The following STRIP2 variants were observed in gnomAD, a reference collection of about 807,000 sequenced individuals.
STRIP2 encodes the protein striatin interacting protein 2.
A neutral mutation model predicts 107.1 loss-of-function variants in STRIP2; 84 were observed. That is an observed-to-expected ratio of 0.78 (90% confidence interval 0.66 to 0.94). The LOEUF (loss-of-function observed/expected upper bound fraction) is 0.94. Ranked by LOEUF, STRIP2 falls within the 40% of genes least tolerant of loss-of-function variation. The pLI is 0.00. For missense variants in STRIP2, 888 were observed against 1,034.2 expected, an observed-to-expected ratio of 0.86 and a Z score of 1.94; for synonymous variants, 394 against 400.4, an observed-to-expected ratio of 0.98 and a Z score of 0.19.
intron 8 of STRIP2, among the ~76,000 whole-genome samples, chr7:129,456,147 T>C (rs1327027074): frequency 1.0e-4 from 11 of 109,032 alleles, no homozygotes; most frequent in Non-Finnish European, 1.8e-4. Flanking sequence ...GTTTCTTTTT[T>C]TTCTTTTTTT....
chr7:129,441,339 A>G (rs1797893303), intron 2 of STRIP2, among the ~76,000 whole-genome samples: 1 of 152,062 alleles, frequency 6.6e-6, no homozygotes, highest in African/African-American at 2.4e-5. Context: ...ATGTGCACAT[A>G]TTGTGACCCA....
chr7:129,444,283 T>C (rs1584936592), intron 3 of STRIP2, among the ~76,000 whole-genome samples, 185 bp downstream of exon 3: 2 of 152,144 alleles, frequency 1.3e-5, no homozygotes, highest in East Asian at 3.9e-4. Context: ...TATTAAGTAT[T>C]AACTTACACA....
At chr7:129,473,318 T>C (rs1186591736) in intron 18 of STRIP2, among the ~76,000 whole-genome samples, 1 of 152,214 alleles carries the variant, frequency 6.6e-6, no homozygotes, top group African/African-American at 2.4e-5. Context: ...CAGCAAAATT[T>C]AAATGTTCAC....
intron 4 of STRIP2, 113 bp downstream of exon 4, chr7:129,451,860 C>T (rs1279338521): frequency 2.3e-6 from 3 of 1,293,602 alleles, no homozygotes; most frequent in Admixed American, 2.1e-5. Context: ...TCTTGCCTCT[C>T]AAGGACAGAT....
chr7:129,485,453 T>TATA, intron 20 of STRIP2, 126 bp from the exon 21 acceptor site: 15 of 767,666 alleles, frequency 2.0e-5, no homozygotes, highest in Non-Finnish European at 2.4e-5. Context: ...CATTGCTCTT[T>TATA]ACAAAAAAAA....
rs1369136017 is a variant in STRIP2 at position 129,480,794 on chromosome 7, G to C, written c.1954G>C (p.Asp652His). The C allele has an allele frequency of 1.2e-6, 2 of 1,613,266 alleles. No homozygotes were observed. Among genetic ancestry groups the C allele is most frequent in the East Asian group, 2.2e-5 (1 of 44,876 alleles). The change falls in exon 19 of 21, where the codon GAC (aspartate) becomes CAC (histidine). Residue 652 changes from aspartate (D) to histidine (H), a missense_variant. By Grantham distance (81) the Asp-to-His change is moderately conservative. Coordinates refer to ENST00000249344, the MANE Select transcript of STRIP2 (RefSeq NM_020704.3). ...ATGTTCCCTACTATAGGAAGCTGGA[G>C]ACAACAGCCAGTTCTGCTGGAGGAA... is the stretch of plus-strand genomic sequence containing the variant. ...ELTTESLEAGDNSQFCWRNLF... is the reference protein window; with the variant it reads ...ELTTESLEAGHNSQFCWRNLF...
Position 129,458,419 on chromosome 7 carries a change from C to G in STRIP2, c.1243C>G (p.Pro415Ala). 2 of 1,608,604 alleles carry G rather than the reference C, an allele frequency of 1.2e-6. No homozygotes were observed. Among genetic ancestry groups the G allele is most frequent in the East Asian group, 4.5e-5 (2 of 44,650 alleles). The change falls in exon 10 of 21, where the codon CCC (proline) becomes GCC (alanine). Residue 415 changes from proline (P) to alanine (A), a missense_variant. Coordinates refer to ENST00000249344, the MANE Select transcript of STRIP2 (RefSeq NM_020704.3). This position sits in a 1 kb window ranked among gnomAD's most constrained non-coding sequence, Gnocchi z 4.6. The part of the protein sequence containing the change: ...APLSAERVAF[P>A]KGLPWAPKVR... ...CCTCTCTGCTGAGCGGGTGGCTTTT[C>G]CCAAGGGCCTGCCCTGGGCCCCAAA...
At position 129,483,381 on chromosome 7, in the gene STRIP2, A is replaced by G; in HGVS notation, c.2254+335A>G. 3 of 937,368 alleles carry G rather than the reference A, an allele frequency of 3.2e-6. No individual in the cohort carries two copies. Among genetic ancestry groups the G allele is most frequent in the Non-Finnish European group, 3.9e-6 (3 of 760,486 alleles). 58.1% of individuals were successfully genotyped at this position (937,368 alleles called of 1,614,324 possible). On this transcript the variant is annotated intron_variant, in intron 20 of 20. Transcript: ENST00000249344. This position sits in a 1 kb window ranked among gnomAD's most constrained non-coding sequence, Gnocchi z 5.1. Reference sequence around the variant, plus strand: ...TTATTATTACAAAGCAGTTAGAAAAAAAGATAGAAAATACAAGTAAACAAA... The same window carrying G: ...TTATTATTACAAAGCAGTTAGAAAAGAAGATAGAAAATACAAGTAAACAAA...
chr7:129,474,099 G>A (rs1298783164), intron 18 of STRIP2, among the ~76,000 whole-genome samples: 1 of 151,944 alleles, frequency 6.6e-6, no homozygotes, highest in Non-Finnish European at 1.5e-5. Context: ...ATTTATTTAT[G>A]TTTTCCTTGT....
In STRIP2 at chr7:129,475,228, T is replaced by C. The variant is rs531576215; in HGVS notation, c.1944+4513T>C. On this transcript the variant is annotated intron_variant, in intron 18 of 20. Transcript: ENST00000249344. ...TATGTATTTTGCAATGCTTAGCATCTGAATGGTTGTTGAGAGCAGTGGTAT... is the reference window on the plus strand; with the variant it reads ...TATGTATTTTGCAATGCTTAGCATCCGAATGGTTGTTGAGAGCAGTGGTAT... 1.2e-4 allele frequency among the ~76,000 whole-genome samples: 17 copies of C among 144,030 alleles called. 1 individual carries two copies. In the South Asian group the frequency reaches 3.6e-3, roughly 31 times the overall value. The allele number at this position is 144,030 out of a possible 152,430, so 94.5% of individuals were successfully genotyped here.
rs1220630655 is a variant in STRIP2 at position 129,434,676 on chromosome 7, C to T, written c.129+75C>T. 1.1e-5 allele frequency: 15 copies of T among 1,392,750 alleles called. No homozygotes were observed. In the East Asian group the frequency reaches 1.2e-4, roughly 11 times the overall value. The allele number at this position is 1,392,750 out of a possible 1,614,324, so 86.3% of individuals were successfully genotyped here. A position where few individuals can be genotyped will look rare whatever the true frequency, so the allele number is the denominator to read the frequency against. ...GGAAGCGGCGGCTGAGGTGATTCGG[C>T]CTCGGCCCCGGAGCCCTCGGCGCGC... On this transcript the variant is annotated intron_variant, in intron 1 of 20. Coordinates refer to ENST00000249344, the MANE Select transcript of STRIP2 (RefSeq NM_020704.3).
Position 129,434,609 on chromosome 7 carries a change from G to A in STRIP2, c.129+8G>A, listed in dbSNP as rs759805124. 1.4e-5 allele frequency: 20 copies of A among 1,479,090 alleles called. No homozygotes were observed. Among genetic ancestry groups the A allele is most frequent in the South Asian group, 1.3e-5 (1 of 79,514 alleles). The allele number at this position is 1,479,090 out of a possible 1,614,324, so 91.6% of individuals were successfully genotyped here. On this transcript the variant is annotated splice_region_variant and intron_variant, in intron 1 of 20. Transcript: ENST00000249344. ...CAGCGGCGGGAGTCAGAGGTGAGGA[G>A]CCCGGAAAGCTTCGGCTGGGGCCCG...
chr7:129,478,743 GA>G (rs1168995971), intron 18 of STRIP2, among the ~76,000 whole-genome samples: 3 of 152,120 alleles, frequency 2.0e-5, no homozygotes, highest in Non-Finnish European at 4.4e-5. Context: ...AGGAAACAAG[GA>G]AAATGATTTA....
chr7:129,481,498 A>AAAT (rs145902870), intron 19 of STRIP2, among the ~76,000 whole-genome samples: 5,478 of 151,666 alleles, frequency 0.036, 264 homozygotes, highest in East Asian at 0.18. Context: ...CTCCGTCTCA[A>AAAT]AATAATAATA....
chr7:129,443,021 A>C, intron 2 of STRIP2, among the ~76,000 whole-genome samples: 1 of 147,712 alleles, frequency 6.8e-6, no homozygotes, highest in Non-Finnish European at 1.5e-5. Flanking sequence ...GGGCATTTTT[A>C]TTTCTTTTCT....
chr7:129,487,988 A>T lies in STRIP2; in HGVS notation c.*2159A>T, dbSNP rs1258194947. 1.3e-5 allele frequency: 2 copies of T among 152,204 alleles called. No individual in the cohort carries two copies. The highest frequency in any genetic ancestry group is 4.8e-5 in the African/African-American group (2 of 41,454). 9.4% of individuals were successfully genotyped at this position (152,204 alleles called of 1,614,324 possible). ...CACTAAGGATAAATGATTAGTTTCC[A>T]ATCACATCATTTTTTTCCACAGACT... On this transcript the variant is annotated 3_prime_UTR_variant, in exon 21 of 21. Transcript: ENST00000249344.
In STRIP2 at chr7:129,467,458, C is replaced by A. The variant is rs954576112; in HGVS notation, c.1877+8C>A. The A allele has an allele frequency of 6.2e-7, 1 of 1,602,168 alleles. No homozygotes were observed. Among genetic ancestry groups the A allele is most frequent in the South Asian group, 1.1e-5 (1 of 90,628 alleles). On this transcript the variant is annotated splice_region_variant and intron_variant, in intron 17 of 20. Transcript: ENST00000249344. ...CATCACTGCCAAAAACAGGTATGAA[C>A]TCTGGACAGGTTTATTTCAAGGGGC...
In STRIP2 at chr7:129,454,511, CT is replaced by C; in HGVS notation, c.692del (p.Phe231SerfsTer5). On this transcript the variant is annotated frameshift_variant, in exon 7 of 21. Transcript: ENST00000249344. LOFTEE classifies it high-confidence loss of function. ...GTGGGTGGAGAACAGCCCGGGAGAC[CT>C]TCCGCACTGAATTAAGTAAGAAATG... ...PCGWRTARET[F>X]RTELSFSMHN... is the part of the protein sequence containing the mutation. The C allele has an allele frequency of 6.2e-7, 1 of 1,612,614 alleles. No homozygotes were observed. Among genetic ancestry groups the C allele is most frequent in the Non-Finnish European group, 8.5e-7 (1 of 1,178,600 alleles).
In STRIP2 at chr7:129,454,485, T is replaced by G; in HGVS notation, c.664T>G (p.Cys222Gly). The change falls in exon 7 of 21, where the codon TGT becomes GGT. Residue 222 changes from cysteine (C) to glycine (G), a missense_variant. Coordinates refer to ENST00000249344, the MANE Select transcript of STRIP2 (RefSeq NM_020704.3). ...TCGCCTGGAGCGAGAGACAGACCCC[T>G]GTGGGTGGAGAACAGCCCGGGAGAC... ...NIRLERETDPCGWRTARETFR... is the reference protein window; with the variant it reads ...NIRLERETDPGGWRTARETFR... 6.2e-7 allele frequency: 1 copy of G among 1,614,158 alleles called. No homozygotes were observed. The highest frequency in any genetic ancestry group is 8.5e-7 in the Non-Finnish European group (1 of 1,180,010).
Sources: allele counts gnomAD v4.1 joint callset (sites outside exome capture counted in the v4.1 genomes callset), GRCh38; gene constraint gnomAD v4.1.1; non-coding constraint Gnocchi (gnomAD v3.1); transcripts MANE v1.5; gene names NCBI Gene and HGNC (gene_info 2026-07-23, HGNC 2026-07-21).